The following ROR1 variants were observed in gnomAD, a reference collection of about 807,000 sequenced individuals.
ROR1 encodes inactive tyrosine-protein kinase transmembrane receptor ROR1.
In ROR1, 19 loss-of-function variants were observed where a neutral mutation model predicts 78.8. The observed-to-expected ratio is 0.24, with a 90% CI of 0.17 to 0.35. ROR1 has a LOEUF of 0.35. ROR1 is among the 10% of genes least tolerant of loss of function. The probability of loss-of-function intolerance (pLI) is 1.00; values close to 1 mark genes in which losing one functional copy is unlikely to be tolerated. For missense variants in ROR1, 917 were observed against 1,177.8 expected (o/e 0.78, Z 3.24); for synonymous variants, 386 against 433.6 (o/e 0.89, Z 1.36).
chr1:63,972,802 G>A (rs1646129013), intron 1 of ROR1, among the ~76,000 whole-genome samples: 1 of 152,198 alleles, frequency 6.6e-6, no homozygotes, highest in South Asian at 2.1e-4. Flanking sequence ...TGGAATATGG[G>A]CCTAGTGTTT....
intron 1 of ROR1, among the ~76,000 whole-genome samples, chr1:63,946,839 G>A (rs1645893326): frequency 6.6e-6 from 1 of 152,166 alleles, no homozygotes; most frequent in African/African-American, 2.4e-5. Context: ...AATGCCAGAC[G>A]TGATCTTGTC....
At chr1:63,843,175 G>C (rs1449288623) in intron 1 of ROR1, 5 of 1,168,378 alleles carry the variant, frequency 4.3e-6, no homozygotes, top group African/African-American at 3.1e-5. Flanking sequence ...GCTCCAGGCA[G>C]GTGGCCAGAA....
At chr1:64,163,329 G>A (rs1428449406) in intron 8 of ROR1, among the ~76,000 whole-genome samples, 1 of 151,846 alleles carries the variant, frequency 6.6e-6, no homozygotes, top group Non-Finnish European at 1.5e-5. Flanking sequence ...GAGGTGGGAG[G>A]ATTACTTGAG....
chr1:64,099,235 G>A (rs1275129929), intron 4 of ROR1, among the ~76,000 whole-genome samples: 8 of 152,114 alleles, frequency 5.3e-5, no homozygotes, highest in Non-Finnish European at 1.0e-4. Context: ...CCACATCAGG[G>A]ATCAGGCAAT....
chr1:63,984,415 G>A (rs1646234727), intron 1 of ROR1, among the ~76,000 whole-genome samples: 1 of 152,126 alleles, frequency 6.6e-6, no homozygotes, highest in Non-Finnish European at 1.5e-5. Context: ...AAAGCTTGTG[G>A]TTTGTCCATC....
chr1:64,004,874 T>C (rs931182535), intron 1 of ROR1, among the ~76,000 whole-genome samples: 2 of 152,100 alleles, frequency 1.3e-5, no homozygotes, highest in African/African-American at 4.8e-5. Context: ...ACTGCAAAGA[T>C]AATAGCCCCT....
chr1:64,028,627 T>C (rs1646634965), intron 2 of ROR1, among the ~76,000 whole-genome samples: 1 of 152,134 alleles, frequency 6.6e-6, no homozygotes, highest in Admixed American at 6.5e-5. Context: ...AGAAAAAATA[T>C]GCACCATTCT....
chr1:64,041,522 C>A (rs924590006), intron 2 of ROR1, among the ~76,000 whole-genome samples: 1 of 152,192 alleles, frequency 6.6e-6, no homozygotes, highest in Non-Finnish European at 1.5e-5. Flanking sequence ...GCTAACTGGG[C>A]TTCCTAAGGA....
intron 5 of ROR1, among the ~76,000 whole-genome samples, chr1:64,139,278 T>A (rs528214824): frequency 6.6e-6 from 1 of 151,246 alleles, no homozygotes; most frequent in Non-Finnish European, 1.5e-5. Context: ...TGGTGGAAAG[T>A]TTTTTTTTAA....
At chr1:64,117,545 C>T (rs1444489174) in intron 4 of ROR1, among the ~76,000 whole-genome samples, 2 of 152,128 alleles carry the variant, frequency 1.3e-5, no homozygotes, top group African/African-American at 2.4e-5. Flanking sequence ...TCTCACATCA[C>T]CTGCTGCATG....
Position 64,179,146 on chromosome 1 carries a change from A to C in ROR1, c.*291A>C. The C allele has an allele frequency of 6.9e-6, 2 of 291,962 alleles. No individual in the cohort carries two copies. Among genetic ancestry groups the C allele is most frequent in the South Asian group, 1.4e-4 (2 of 14,378 alleles). The allele number at this position is 291,962 out of a possible 1,614,324, so 18.1% of individuals were successfully genotyped here. On this transcript the variant is annotated 3_prime_UTR_variant, in exon 9 of 9. Coordinates refer to ENST00000371079, the MANE Select transcript of ROR1 (RefSeq NM_005012.4). ...TTTCGAGCACTGAAAGCTGCAAACC[A>C]GTGAAGAGGAAAAGAACCTTGTGAT...
At chr1:63,944,878 T>C (rs1645871400) in intron 1 of ROR1, among the ~76,000 whole-genome samples, 1 of 152,192 alleles carries the variant, frequency 6.6e-6, no homozygotes, top group African/African-American at 2.4e-5. Context: ...TCTCTGCTTT[T>C]CCCACAGGGG....
chr1:64,069,817 T>TTTA (rs1646987778), intron 4 of ROR1, among the ~76,000 whole-genome samples: 1 of 152,110 alleles, frequency 6.6e-6, no homozygotes, highest in African/African-American at 2.4e-5. Context: ...TCCCTTTATT[T>TTTA]TTATTATTAT....
chr1:63,896,501 T>C (rs1012433676), intron 1 of ROR1, among the ~76,000 whole-genome samples: 3 of 152,206 alleles, frequency 2.0e-5, no homozygotes, highest in African/African-American at 4.8e-5. Flanking sequence ...TCCTCCACCT[T>C]CTCCTTCATT....
At position 63,792,333 on chromosome 1, in the gene ROR1, C is replaced by T. The variant is rs542208982; in HGVS notation, c.91+17825C>T. Among the ~76,000 whole-genome samples, 31 of 152,234 alleles carry T rather than the reference C, an allele frequency of 2.0e-4. 1 individual carries two copies. The South Asian group carries it at 5.4e-3, about 26-fold the overall frequency. On this transcript the variant is annotated intron_variant, in intron 1 of 8. Coordinates refer to ENST00000371079, the MANE Select transcript of ROR1 (RefSeq NM_005012.4). ...TGTGTGCCAGGCAGTATTCAGGTGC[C>T]GCGACAACCCTATTCGGTAGGTCCT...
intron 1 of ROR1, among the ~76,000 whole-genome samples, chr1:63,983,022 G>A (rs933442440): frequency 3.3e-5 from 5 of 152,184 alleles, no homozygotes; most frequent in Non-Finnish European, 7.3e-5. Context: ...GTTACCTCAT[G>A]CTATTATTAT....
At chr1:63,957,674 A>G (rs2100480023) in intron 1 of ROR1, among the ~76,000 whole-genome samples, 1 of 151,998 alleles carries the variant, frequency 6.6e-6, no homozygotes, top group East Asian at 1.9e-4. Flanking sequence ...TCATTCATCT[A>G]ACGTTTGTCT....
chr1:64,004,328 G>A (rs1024607406), intron 1 of ROR1, among the ~76,000 whole-genome samples: 6 of 152,206 alleles, frequency 3.9e-5, no homozygotes, highest in African/African-American at 9.7e-5. Flanking sequence ...TGTTCCTTTT[G>A]AAGGAGGGTC....
chr1:63,880,045 C>T (rs1222495496), intron 1 of ROR1, among the ~76,000 whole-genome samples: 1 of 152,020 alleles, frequency 6.6e-6, no homozygotes, highest in African/African-American at 2.4e-5. Context: ...GGTGTGAGTT[C>T]AGGGTCTACC....
Sources: allele counts gnomAD v4.1 joint callset (sites outside exome capture counted in the v4.1 genomes callset), GRCh38; gene constraint gnomAD v4.1.1; transcripts MANE v1.5; gene names NCBI Gene and HGNC (gene_info 2026-07-23, HGNC 2026-07-21).